The following RAB6B variants were observed in gnomAD, a reference collection of about 807,000 sequenced individuals.
The protein encoded by RAB6B is RAB6B, member RAS oncogene family, also known as ras-related protein Rab-6B.
Under a neutral mutation model 31.2 loss-of-function variants are expected in RAB6B, and 7 were observed. That is an observed-to-expected ratio of 0.22 (90% CI 0.13 to 0.42). The LOEUF is 0.42. Among genes scored for constraint, RAB6B ranks in the 10% least tolerant of loss-of-function variants. The pLI is 1.00. For synonymous variants in RAB6B, 105 were observed against 104.9 expected, an observed-to-expected ratio of 1.00 and a Z score of -0.01; for missense variants, 149 against 280.6, an observed-to-expected ratio of 0.53 and a Z score of 3.35.
chr3:133,877,109 G>GT (rs1576408029), intron 1 of RAB6B, among the ~76,000 whole-genome samples: 1 of 152,270 alleles, frequency 6.6e-6, no homozygotes, highest in East Asian at 1.9e-4. Context: ...GAAAATTCCA[G>GT]GCCACAGCAC....
chr3:133,861,441 C>A (rs765268507), intron 2 of RAB6B, among the ~76,000 whole-genome samples: 1 of 152,150 alleles, frequency 6.6e-6, no homozygotes, highest in Non-Finnish European at 1.5e-5. Context: ...AGGCATCTCA[C>A]GGGGCCTACC....
At chr3:133,830,973 TG>T (rs1935648227) in intron 7 of RAB6B, among the ~76,000 whole-genome samples, 1 of 152,204 alleles carries the variant, frequency 6.6e-6, no homozygotes, top group African/African-American at 2.4e-5. Context: ...AAATGTCCCC[TG>T]TGGGGAGGGG....
intron 1 of RAB6B, among the ~76,000 whole-genome samples, chr3:133,874,201 CATCT>C (rs1005502459): frequency 4.6e-5 from 7 of 152,160 alleles, no homozygotes; most frequent in East Asian, 1.9e-4. Flanking sequence ...AAGGGTCATC[CATCT>C]ATCTATCTAT....
At chr3:133,881,660 AAAG>A (rs555148190) in intron 1 of RAB6B, among the ~76,000 whole-genome samples, 149 of 152,346 alleles carry the variant, frequency 9.8e-4, no homozygotes, top group Admixed American at 1.8e-3. Context: ...TGAGGCCTAG[AAAG>A]AAGGAGGGTT....
chr3:133,864,679 C>T (rs1936210919), intron 1 of RAB6B, 37 bp from the exon 2 acceptor site: 1 of 1,580,786 alleles, frequency 6.3e-7, no homozygotes, highest in Non-Finnish European at 8.7e-7. Flanking sequence ...TCAGTCATGG[C>T]ATCTGAGCTA....
At chr3:133,875,603 C>T (rs1001768076) in intron 1 of RAB6B, among the ~76,000 whole-genome samples, 2 of 152,162 alleles carry the variant, frequency 1.3e-5, no homozygotes, top group African/African-American at 4.8e-5. Context: ...TGGCCTCAGC[C>T]CTTCCATACT....
intron 2 of RAB6B, among the ~76,000 whole-genome samples, chr3:133,845,642 C>A (rs1197294387): frequency 6.6e-6 from 1 of 152,116 alleles, no homozygotes; most frequent in African/African-American, 2.4e-5. Context: ...TATTAACTGC[C>A]CATCATTTAA....
At chr3:133,868,494 A>C (rs1044577848) in intron 1 of RAB6B, among the ~76,000 whole-genome samples, 6 of 152,200 alleles carry the variant, frequency 3.9e-5, no homozygotes, top group Admixed American at 2.0e-4. Context: ...CTCTGTTCTC[A>C]AGGTCACACC....
chr3:133,827,750 C>A lies in RAB6B; in HGVS notation c.*1038G>T, dbSNP rs1238768120. ...GGTGGTGGTTCTGCAGACAACACCCCCCCCCCCCCCCGCCTCCCCATCACA... is the reference window on the plus strand; with the variant it reads ...GGTGGTGGTTCTGCAGACAACACCCACCCCCCCCCCCGCCTCCCCATCACA... On this transcript the variant is annotated 3_prime_UTR_variant, in exon 8 of 8. Transcript: ENST00000285208. 6 of 28,876 alleles carry A rather than the reference C, an allele frequency of 2.1e-4. No individual in the cohort carries two copies. Among genetic ancestry groups the A allele is most frequent in the South Asian group, 1.1e-3 (1 of 900 alleles). The allele number at this position is 28,876 out of a possible 1,614,324, so 1.8% of individuals were successfully genotyped here.
chr3:133,829,149 C>T (rs561488355), intron 7 of RAB6B, among the ~76,000 whole-genome samples: 1 of 152,310 alleles, frequency 6.6e-6, no homozygotes, highest in Admixed American at 6.5e-5. Context: ...CTTCCCTCGA[C>T]CAGTGCTCAA....
rs1474823236 is a variant in RAB6B at position 133,844,648 on chromosome 3, CAGGACG to C, written c.130-2991_130-2986del. On this transcript the variant is annotated intron_variant, in intron 2 of 7. Transcript: ENST00000285208. The stretch of plus-strand genomic sequence containing the variant: ...GCAAGCACTGAAGAATGATCAAAAG[CAGGACG>C]AGGCAGGGTGCAGTGGCTCATGCCT... Among the ~76,000 whole-genome samples the C allele has an allele frequency of 2.6e-5, 4 of 152,136 alleles. No homozygotes were observed. The East Asian group carries it at 7.7e-4, about 29-fold the overall frequency.
rs115194527 is a variant in RAB6B, at chr3:133,828,899, C to T, written c.563-47G>A. ...AAGATGACTCTCCTGGACAAGCTGC[C>T]ACCCCACTTAGCCCTGTGCACTGTA... On this transcript the variant is annotated intron_variant, in intron 7 of 7. Coordinates refer to ENST00000285208, the MANE Select transcript of RAB6B (RefSeq NM_016577.4). 530 of 1,513,450 alleles carry T rather than the reference C, an allele frequency of 3.5e-4. 5 individuals carry two copies. The African/African-American group carries it at 5.1e-3, about 15-fold the overall frequency. The allele number at this position is 1,513,450 out of a possible 1,614,324, so 93.8% of individuals were successfully genotyped here.
At chr3:133,874,898 G>A (rs774369996) in intron 1 of RAB6B, among the ~76,000 whole-genome samples, 2 of 151,492 alleles carry the variant, frequency 1.3e-5, no homozygotes, top group African/African-American at 2.4e-5. Context: ...CACCAATATC[G>A]CTGTCTTCCA....
At chr3:133,839,280 G>C (rs1489353480) in intron 5 of RAB6B, among the ~76,000 whole-genome samples, 5 of 152,214 alleles carry the variant, frequency 3.3e-5, no homozygotes, top group Non-Finnish European at 5.9e-5. Flanking sequence ...AAACGGAGAA[G>C]TGCCCCGCCC....
chr3:133,881,158 G>C (rs1027797458), intron 1 of RAB6B, among the ~76,000 whole-genome samples: 3 of 152,236 alleles, frequency 2.0e-5, no homozygotes, highest in Admixed American at 1.3e-4. Context: ...ACCAGGGCAA[G>C]GAGATGGTGG....
rs2108020286 is a variant in RAB6B, at chr3:133,895,552, C to A, written c.-86G>T. 2 of 1,413,112 alleles carry A rather than the reference C, an allele frequency of 1.4e-6. No homozygotes were observed. The highest frequency in any genetic ancestry group is 4.8e-5 in the East Asian group (2 of 41,898). The allele number at this position is 1,413,112 out of a possible 1,614,324, so 87.5% of individuals were successfully genotyped here. On this transcript the variant is annotated 5_prime_UTR_variant, in exon 1 of 8. Coordinates refer to ENST00000285208, the MANE Select transcript of RAB6B (RefSeq NM_016577.4). ...AGAGTAGGAGGGCGAGGGGAGGCGG[C>A]CGGCGGTGCGGGAGCCGGAGGGGGA...
chr3:133,828,588 G>C lies in RAB6B; in HGVS notation c.*200C>G. On this transcript the variant is annotated 3_prime_UTR_variant, in exon 8 of 8. Transcript: ENST00000285208. ...ATTACAACCAAACCAAAAAATAGTT[G>C]TTTAAGTAACAGCCGTTAAGAGTGA... is the stretch of plus-strand genomic sequence containing the variant. 1.5e-6 allele frequency: 1 copy of C among 653,386 alleles called. No homozygotes were observed. The highest frequency in any genetic ancestry group is 2.7e-6 in the Non-Finnish European group (1 of 368,534). 40.5% of individuals were successfully genotyped at this position (653,386 alleles called of 1,614,324 possible).
At position 133,833,762 on chromosome 3, in the gene RAB6B, G is replaced by A. The variant is rs117155153; in HGVS notation, c.562+813C>T. ...TAGGGACAGGTCCACTGTAAAGGAT[G>A]CCAGCCAGGGATCTGCATGCTTGTT... On this transcript the variant is annotated intron_variant, in intron 7 of 7. Transcript: ENST00000285208. Among the ~76,000 whole-genome samples, 343 of 152,310 alleles carry A rather than the reference G, an allele frequency of 2.3e-3. 8 individuals are homozygous for A. The East Asian group carries it at 0.047, about 21-fold the overall frequency.
In RAB6B at chr3:133,841,579, G is replaced by A. The variant is rs41272335; in HGVS notation, c.183+31C>T. On this transcript the variant is annotated intron_variant, in intron 3 of 7. Transcript: ENST00000285208. ...GGATAAGCCCAAAGGAACCCTCCCT[G>A]CCCCTCCCAGTCCTGATATTAGGTG... The A allele has an allele frequency of 0.086, 139,187 of 1,610,706 alleles. 6,794 individuals are homozygous for A. The highest frequency in any genetic ancestry group is 0.15 in the African/African-American group (11,212 of 74,910).
Sources: gnomAD v4.1 joint callset for allele counts (sites outside exome capture counted in the v4.1 genomes callset) on GRCh38, gnomAD v4.1.1 for gene constraint, MANE v1.5 for transcripts, NCBI Gene and HGNC (gene_info 2026-07-23, HGNC 2026-07-21) for gene names.